Variants in SLC16A10 observed in about 807,000 individuals in gnomAD.
The protein encoded by SLC16A10 is solute carrier family 16 member 10.
In SLC16A10, 27 loss-of-function variants were observed where a neutral mutation model predicts 40.0. The observed-to-expected ratio is 0.67, with a 90% confidence interval of 0.50 to 0.93. The LOEUF is 0.93. Among genes scored for constraint, SLC16A10 ranks in the 40% least tolerant of loss-of-function variants. The pLI is 0.00. For missense variants in SLC16A10, 529 were observed against 658.2 expected, an observed-to-expected ratio of 0.80 and a Z score of 2.15; for synonymous variants, 213 against 249.8, an observed-to-expected ratio of 0.85 and a Z score of 1.39.
At position 111,229,516 on chromosome 6, in the gene SLC16A10, C is replaced by G. The variant is rs1166527349; in HGVS notation, c.*7281C>G. On this transcript the variant is annotated 3_prime_UTR_variant, in exon 6 of 6. Transcript: ENST00000368851. ...GTGAAAAAGTTATATATAATAGCTT[C>G]CTATTGAGCTGGCTTATGTAGACAT... 6.6e-6 allele frequency: 1 copy of G among 152,122 alleles called. No individual in the cohort carries two copies. The highest frequency in any genetic ancestry group is 1.5e-5 in the Non-Finnish European group (1 of 68,026). The allele number at this position is 152,122 out of a possible 1,614,324, so 9.4% of individuals were successfully genotyped here.
At position 111,227,358 on chromosome 6, in the gene SLC16A10, G is replaced by A. The variant is rs1348302192; in HGVS notation, c.*5123G>A. ...AATATACTATAGAACAATAGGTCAC[G>A]ATTCTCAAGAACAAAGCCGAATGCT... On this transcript the variant is annotated 3_prime_UTR_variant, in exon 6 of 6. Transcript: ENST00000368851. The A allele has an allele frequency of 6.6e-6, 1 of 152,136 alleles. No homozygotes were observed. The highest frequency in any genetic ancestry group is 1.9e-4 in the East Asian group (1 of 5,190). 9.4% of individuals were successfully genotyped at this position (152,136 alleles called of 1,614,324 possible).
At chr6:111,090,631 G>GCA (rs368322303) in intron 1 of SLC16A10, among the ~76,000 whole-genome samples, 2,171 of 151,152 alleles carry the variant, frequency 0.014, 45 homozygotes, top group African/African-American at 0.039. Context: ...TTCCTTCAGT[G>GCA]CACACACACA....
chr6:111,140,330 G>A (rs1469527152), intron 1 of SLC16A10, among the ~76,000 whole-genome samples: 1 of 152,080 alleles, frequency 6.6e-6, no homozygotes, highest in Non-Finnish European at 1.5e-5. Context: ...GGGCATGGTG[G>A]TGTGCACCTG....
At chr6:111,136,817 C>G (rs1023412567) in intron 1 of SLC16A10, among the ~76,000 whole-genome samples, 1 of 152,186 alleles carries the variant, frequency 6.6e-6, no homozygotes, top group Admixed American at 6.5e-5. Context: ...TAGTGCTCAG[C>G]TGGCAGAACT....
intron 1 of SLC16A10, among the ~76,000 whole-genome samples, chr6:111,120,494 A>G (rs1265976617): frequency 6.6e-6 from 1 of 152,262 alleles, no homozygotes; most frequent in Non-Finnish European, 1.5e-5. Flanking sequence ...AGAATTCCAA[A>G]AATATCAGAC....
chr6:111,172,870 T>TA, intron 2 of SLC16A10, 31 bp downstream of exon 2: 1 of 1,606,864 alleles, frequency 6.2e-7, no homozygotes, highest in Non-Finnish European at 8.5e-7. Context: ...TGTTGCTTTT[T>TA]AAAAACTGTT....
chr6:111,122,753 G>A (rs938976940), intron 1 of SLC16A10, among the ~76,000 whole-genome samples: 4 of 152,184 alleles, frequency 2.6e-5, no homozygotes, highest in Non-Finnish European at 4.4e-5. Flanking sequence ...AAGCAGTGGT[G>A]AGGACGATGA....
At chr6:111,113,109 AC>A (rs1270466050) in intron 1 of SLC16A10, among the ~76,000 whole-genome samples, 2 of 152,214 alleles carry the variant, frequency 1.3e-5, no homozygotes, top group African/African-American at 2.4e-5. Flanking sequence ...GATGCAGTTT[AC>A]CTATTAACAA....
intron 1 of SLC16A10, among the ~76,000 whole-genome samples, chr6:111,104,777 G>A (rs868091363): frequency 2.6e-5 from 4 of 152,154 alleles, no homozygotes; most frequent in Middle Eastern, 3.4e-3. Flanking sequence ...ATCCTGTCTT[G>A]AGCGGACTCA....
intron 1 of SLC16A10, among the ~76,000 whole-genome samples, chr6:111,146,750 A>G (rs1772086660): frequency 6.6e-6 from 1 of 151,632 alleles, no homozygotes. Context: ...AAAAAAAAAG[A>G]TATATACACA....
chr6:111,151,510 C>T (rs1451769103), intron 1 of SLC16A10, among the ~76,000 whole-genome samples: 1 of 152,188 alleles, frequency 6.6e-6, no homozygotes, highest in Non-Finnish European at 1.5e-5. Context: ...AGACAATTGT[C>T]ATTTGTCACT....
chr6:111,193,868 G>A (rs1373040324), intron 3 of SLC16A10, among the ~76,000 whole-genome samples: 2 of 152,156 alleles, frequency 1.3e-5, no homozygotes, highest in Non-Finnish European at 2.9e-5. Context: ...CTTATATTGG[G>A]TAATATAGTC....
intron 3 of SLC16A10, among the ~76,000 whole-genome samples, chr6:111,204,881 G>GT (rs950734196): frequency 6.6e-6 from 1 of 151,440 alleles, no homozygotes; most frequent in African/African-American, 2.4e-5. Context: ...CAATGAACCT[G>GT]TTTTACTTAT....
chr6:111,154,747 C>A (rs1772237096), intron 1 of SLC16A10, among the ~76,000 whole-genome samples: 1 of 152,146 alleles, frequency 6.6e-6, no homozygotes, highest in Non-Finnish European at 1.5e-5. Flanking sequence ...AATCCCAGCA[C>A]TTTGGGAAGC....
intron 3 of SLC16A10, among the ~76,000 whole-genome samples, chr6:111,193,856 C>T (rs1773036277): frequency 6.6e-6 from 1 of 152,072 alleles, no homozygotes; most frequent in Non-Finnish European, 1.5e-5. Context: ...TTTTGTTAGG[C>T]CCTTATATTG....
intron 1 of SLC16A10, among the ~76,000 whole-genome samples, chr6:111,105,076 C>T (rs887953516): frequency 4.6e-5 from 7 of 152,054 alleles, no homozygotes; most frequent in African/African-American, 1.7e-4. Context: ...GACATGACTG[C>T]TAAAGACTTT....
intron 1 of SLC16A10, among the ~76,000 whole-genome samples, chr6:111,169,350 T>C (rs1020903025): frequency 3.3e-5 from 5 of 152,160 alleles, no homozygotes; most frequent in African/African-American, 1.2e-4. Context: ...AAGTCAATGG[T>C]GCTATGGCCA....
At chr6:111,208,541 G>A in intron 4 of SLC16A10, among the ~76,000 whole-genome samples, 1 of 151,942 alleles carries the variant, frequency 6.6e-6, no homozygotes, top group East Asian at 1.9e-4. Context: ...TTGTGCCACT[G>A]CACTCCAGCC....
rs560119641 is a variant in SLC16A10 at position 111,177,347 on chromosome 6, T to C, written c.624T>C (p.Ala208=). The change falls in exon 3 of 6, where the codon GCT becomes GCC. Residue 208 remains alanine, a synonymous_variant. Transcript: ENST00000368851. ...GACTGGTGAATGGCATTGTCACTGC[T>C]GGCAGCAGTGTCTTCACAATCCTGC... is the stretch of plus-strand genomic sequence containing the variant. ...RLGLVNGIVT[A]GSSVFTILLP... is the part of the protein sequence containing the mutation. The C allele has an allele frequency of 1.2e-6, 2 of 1,613,876 alleles. No homozygotes were observed. Among genetic ancestry groups the C allele is most frequent in the East Asian group, 2.2e-5 (1 of 44,880 alleles).
Sources: allele counts gnomAD v4.1 joint callset (sites outside exome capture counted in the v4.1 genomes callset), GRCh38; gene constraint gnomAD v4.1.1; transcripts MANE v1.5; gene names NCBI Gene and HGNC (gene_info 2026-07-23, HGNC 2026-07-21).